PTPRA: variants seen among roughly 807,000 people sequenced by gnomAD.
PTPRA encodes protein tyrosine phosphatase receptor type A, also known as receptor-type tyrosine-protein phosphatase alpha.
In PTPRA, 25 loss-of-function variants were observed where a neutral mutation model predicts 104.8. That is an observed-to-expected ratio of 0.24 (90% CI 0.17 to 0.33). PTPRA has a LOEUF of 0.33. PTPRA is among the 10% of genes least tolerant of loss of function. The pLI, the probability that PTPRA is intolerant of heterozygous loss-of-function variation, is 1.00. For missense variants in PTPRA, 765 were observed against 1,015.3 expected (o/e 0.75, Z 3.35); for synonymous variants, 323 against 368.9 (o/e 0.88, Z 1.43).
chr20:3,007,708 AC>A (rs1323802402), intron 11 of PTPRA, among the ~76,000 whole-genome samples: 1 of 152,194 alleles, frequency 6.6e-6, no homozygotes, highest in East Asian at 1.9e-4. Flanking sequence ...GATTCTAATT[AC>A]AAACAAAAGC....
In PTPRA at chr20:3,035,924, C is replaced by T. The variant is rs1487671078; in HGVS notation, c.2181C>T (p.Pro727=). The T allele has an allele frequency of 1.2e-6, 2 of 1,613,542 alleles. No individual in the cohort carries two copies. Among genetic ancestry groups the T allele is most frequent in the Non-Finnish European group, 1.7e-6 (2 of 1,180,044 alleles). Residue 727 remains proline, a synonymous_variant, in exon 22 of 24, where the codon CCC becomes CCT. Transcript: ENST00000399903. The surrounding 1 kb of genome is among the most constrained non-coding windows in gnomAD (Gnocchi z 5.8). ...QKQQQQSGNH[P]ITVHCSAGAG... ...AGCAGCAGCAGTCAGGGAACCACCC[C>T]ATCACCGTGCACTGCAGGTATGGCT...
intron 9 of PTPRA, among the ~76,000 whole-genome samples, chr20:2,989,859 T>C (rs923156495): frequency 4.6e-5 from 7 of 151,822 alleles, no homozygotes; most frequent in African/African-American, 1.5e-4. Flanking sequence ...CTACTAAAAA[T>C]ACAAAAAATT....
intron 1 of PTPRA, among the ~76,000 whole-genome samples, chr20:2,896,073 G>A (rs1156977125): frequency 6.6e-6 from 1 of 151,786 alleles, no homozygotes; most frequent in Non-Finnish European, 1.5e-5. Context: ...ATACATTGTG[G>A]TTAAAGAATA....
chr20:2,938,860 C>G lies in PTPRA; in HGVS notation c.-49-9122C>G, dbSNP rs867050753. Among the ~76,000 whole-genome samples, 3 of 152,082 alleles carry G rather than the reference C, an allele frequency of 2.0e-5. No homozygotes were observed. The South Asian group carries it at 6.2e-4, about 32-fold the overall frequency. On this transcript the variant is annotated intron_variant, in intron 2 of 23. Transcript: ENST00000399903. ...TGTTTTAAATTCTTTTCAAATAATT[C>G]CAAAATCTATATTATCTTGGTATTG...
At chr20:2,864,771 G>A in the PTPRA span, 1 of 1,229,632 alleles carries the variant, frequency 8.1e-7, no homozygotes, top group Non-Finnish European at 1.2e-6. The surrounding 1 kb of genome is among the most constrained non-coding windows in gnomAD (Gnocchi z 5.2). Context: ...GGTCCTCACT[G>A]TGAGGGAGAC....
At chr20:2,904,397 G>A (rs1253256198) in intron 1 of PTPRA, among the ~76,000 whole-genome samples, 8 of 151,954 alleles carry the variant, frequency 5.3e-5, no homozygotes, top group Non-Finnish European at 1.0e-4. Flanking sequence ...CTGGCCAGGC[G>A]CGGTGGCTCA....
intron 1 of PTPRA, among the ~76,000 whole-genome samples, chr20:2,919,857 A>G (rs1007930024): frequency 6.6e-6 from 1 of 152,216 alleles, no homozygotes; most frequent in East Asian, 1.9e-4. Context: ...CAAACTACAA[A>G]TGTTTCTTAC....
rs141341415 is a variant in PTPRA at position 2,953,623 on chromosome 20, T to G, written c.-7+5599T>G. ...GTTTTTTGGTGTTTTGTTTTTTTTT[T>G]TTGAGACAGAATCTTGCTGTGTTGC... On this transcript the variant is annotated intron_variant, in intron 3 of 23. Transcript: ENST00000399903. Among the ~76,000 whole-genome samples, 626 of 151,988 alleles carry G rather than the reference T, an allele frequency of 4.1e-3. 2 individuals carry two copies. The highest frequency in any genetic ancestry group is 6.9e-3 in the Non-Finnish European group (472 of 67,934).
Position 2,948,021 on chromosome 20 carries a change from G to A in PTPRA, c.-10G>A. The A allele has an allele frequency of 9.2e-7, 1 of 1,089,236 alleles. No homozygotes were observed. Among genetic ancestry groups the A allele is most frequent in the Non-Finnish European group, 1.2e-6 (1 of 812,528 alleles). The allele number at this position is 1,089,236 out of a possible 1,614,324, so 67.5% of individuals were successfully genotyped here. ...GAGCATAATTAACTTTTTAAAAGAA[G>A]CTAGTAAGTACTGAAATAGTTTTTT... On this transcript the variant is annotated 5_prime_UTR_variant, in exon 3 of 24. Transcript: ENST00000399903.
chr20:2,968,827 A>C (rs1157323518), intron 5 of PTPRA, among the ~76,000 whole-genome samples: 1 of 152,098 alleles, frequency 6.6e-6, no homozygotes, highest in Admixed American at 6.6e-5. Flanking sequence ...CAGGAGGATT[A>C]CTTGAGGCCT....
intron 11 of PTPRA, among the ~76,000 whole-genome samples, chr20:3,014,831 A>G (rs1018344236): frequency 2.0e-5 from 3 of 152,144 alleles, no homozygotes; most frequent in Non-Finnish European, 2.9e-5. Flanking sequence ...ACAATCCTTA[A>G]ATCAAGTGGC....
At chr20:3,012,266 C>A (rs2064209292) in intron 11 of PTPRA, among the ~76,000 whole-genome samples, 2 of 152,186 alleles carry the variant, frequency 1.3e-5, no homozygotes, top group Non-Finnish European at 2.9e-5. Flanking sequence ...TCATGTACAA[C>A]ATGGATTTAG....
At chr20:2,997,083 T>A (rs2063428153) in intron 9 of PTPRA, among the ~76,000 whole-genome samples, 1 of 152,214 alleles carries the variant, frequency 6.6e-6, no homozygotes, top group South Asian at 2.1e-4. Flanking sequence ...ATACTATCAT[T>A]AAAATAAATG....
chr20:3,015,193 T>TC (rs1354090448), intron 11 of PTPRA, among the ~76,000 whole-genome samples: 1 of 152,270 alleles, frequency 6.6e-6, no homozygotes, highest in Admixed American at 6.5e-5. Context: ...CCTGGTGGGT[T>TC]CTTAACCTGT....
chr20:3,005,898 T>C (rs887291035), intron 10 of PTPRA, among the ~76,000 whole-genome samples: 7 of 152,174 alleles, frequency 4.6e-5, no homozygotes, highest in African/African-American at 1.4e-4. Context: ...TTCTAGTCCA[T>C]TGGTATCCAG....
chr20:2,909,804 A>G (rs1330002550), intron 1 of PTPRA, among the ~76,000 whole-genome samples: 1 of 132,984 alleles, frequency 7.5e-6, no homozygotes, highest in Non-Finnish European at 1.5e-5. Flanking sequence ...TAGATAATAT[A>G]TATAATATAA....
Position 3,022,858 on chromosome 20 carries a change from G to T in PTPRA, c.1464+34G>T. 1 of 1,613,600 alleles carries T rather than the reference G, an allele frequency of 6.2e-7. No homozygotes were observed. Among genetic ancestry groups the T allele is most frequent in the Non-Finnish European group, 8.5e-7 (1 of 1,179,712 alleles). On this transcript the variant is annotated intron_variant, in intron 16 of 23. Coordinates refer to ENST00000399903, the MANE Select transcript of PTPRA (RefSeq NM_001385305.1). This position sits in a 1 kb window ranked among gnomAD's most constrained non-coding sequence, Gnocchi z 4.6. ...TCTGTGGGTCAGGTGAGGGTGGGGG[G>T]TTCCAGGACTAAAACATCTGCCCAC...
intron 1 of PTPRA, among the ~76,000 whole-genome samples, chr20:2,895,266 G>T (rs2058953841): frequency 6.6e-6 from 1 of 151,520 alleles, no homozygotes; most frequent in Non-Finnish European, 1.5e-5. Flanking sequence ...GGTAGAGATG[G>T]GGCTTCACCA....
chr20:2,867,201 C>T, the PTPRA span, among the ~76,000 whole-genome samples: 1 of 152,204 alleles, frequency 6.6e-6, no homozygotes, highest in Non-Finnish European at 1.5e-5. Context: ...ATCGGGCCCT[C>T]TGTGAGAAGG....
Sources: gnomAD v4.1 joint callset for allele counts (sites outside exome capture counted in the v4.1 genomes callset) on GRCh38, gnomAD v4.1.1 for gene constraint, Gnocchi (gnomAD v3.1) non-coding constraint, MANE v1.5 for transcripts, NCBI Gene and HGNC (gene_info 2026-07-23, HGNC 2026-07-21) for gene names.